Variants in POLA1 observed in about 807,000 individuals in gnomAD.
POLA1 encodes the protein DNA polymerase alpha catalytic subunit.
In POLA1, 15 loss-of-function variants were observed where a neutral mutation model predicts 124.0. The observed-to-expected ratio is 0.12, with a 90% CI of 0.08 to 0.19. POLA1 has a LOEUF of 0.19. POLA1 is among the 10% of genes least tolerant of loss of function. The probability of loss-of-function intolerance (pLI) is 1.00; values close to 1 mark genes in which losing one functional copy is unlikely to be tolerated. For missense variants in POLA1, 886 were observed against 1,103.4 expected (o/e 0.80, Z 2.79); for synonymous variants, 408 against 389.4 (o/e 1.05, Z -0.56).
rs1256663807 is a variant in POLA1 at position 24,981,650 on chromosome X, A to G, written c.4262-14155A>G. Among the ~76,000 whole-genome samples, 8 of 112,522 alleles carry G rather than the reference A, an allele frequency of 7.1e-5. No homozygotes were observed. In the East Asian group the frequency reaches 1.9e-3, roughly 27 times the overall value. ...GAATAGAATTAGTTTTATTGACAGTAAAAAGACATTTTGAAAGCTTCCTAA... is the reference window on the plus strand; with the variant it reads ...GAATAGAATTAGTTTTATTGACAGTGAAAAGACATTTTGAAAGCTTCCTAA... On this transcript the variant is annotated intron_variant, in intron 36 of 36. Coordinates refer to ENST00000379068, the MANE Select transcript of POLA1 (RefSeq NM_001330360.2).
intron 36 of POLA1, among the ~76,000 whole-genome samples, chrX:24,956,944 A>T (rs757993099): frequency 9.0e-6 from 1 of 111,663 alleles, no homozygotes; most frequent in Non-Finnish European, 1.9e-5. Flanking sequence ...AGTACTGATG[A>T]GTTTGTGGAT....
In POLA1 at chrX:24,823,528, A is replaced by G. The variant is rs935959898; in HGVS notation, c.3561+1945A>G. Among the ~76,000 whole-genome samples the G allele has an allele frequency of 5.4e-5, 6 of 110,141 alleles. No homozygotes were observed. The Admixed American group carries it at 5.8e-4, about 11-fold the overall frequency. ...GCGATTCTCCTGCCTCAGCCTTCTG[A>G]GTAGCTGGGATTACAGGCACGCGCC... On this transcript the variant is annotated intron_variant, in intron 31 of 36. Coordinates refer to ENST00000379068, the MANE Select transcript of POLA1 (RefSeq NM_001330360.2).
At chrX:24,871,072 A>C (rs192198724) in intron 34 of POLA1, among the ~76,000 whole-genome samples, 326 of 111,812 alleles carry the variant, frequency 2.9e-3, no homozygotes, top group Non-Finnish European at 3.8e-3. Flanking sequence ...GTCAGGATTA[A>C]CAACTAATGA....
chrX:24,857,581 A>G (rs1482406704), intron 34 of POLA1, among the ~76,000 whole-genome samples: 1 of 111,379 alleles, frequency 9.0e-6, no homozygotes, highest in East Asian at 2.8e-4. Flanking sequence ...TTAACATTTT[A>G]TAGTTTTCAG....
intron 34 of POLA1, among the ~76,000 whole-genome samples, chrX:24,862,742 C>G (rs2046734613): frequency 8.9e-6 from 1 of 112,132 alleles, no homozygotes; most frequent in Admixed American, 9.5e-5. Context: ...TTGAACTTAA[C>G]AGTTTGGGCA....
intron 26 of POLA1, among the ~76,000 whole-genome samples, chrX:24,763,183 G>T (rs1012175958): frequency 8.9e-6 from 1 of 111,904 alleles, no homozygotes; most frequent in East Asian, 2.8e-4. Flanking sequence ...TTCCAGGCAA[G>T]TGATGGTGGT....
At chrX:24,747,608 G>C (rs778519241) in intron 24 of POLA1, among the ~76,000 whole-genome samples, 1 of 110,984 alleles carries the variant, frequency 9.0e-6, no homozygotes, top group South Asian at 3.7e-4. Flanking sequence ...TAGTTTAGCT[G>C]CTAGTTATTT....
intron 26 of POLA1, among the ~76,000 whole-genome samples, chrX:24,750,725 A>G (rs1486135990): frequency 8.9e-6 from 1 of 112,475 alleles, no homozygotes; most frequent in Non-Finnish European, 1.9e-5. Context: ...GAGATAAAGT[A>G]TAACAAGTGG....
intron 15 of POLA1, among the ~76,000 whole-genome samples, chrX:24,728,323 C>T (rs1290077705): frequency 9.0e-6 from 1 of 111,613 alleles, no homozygotes; most frequent in African/African-American, 3.3e-5. Context: ...GTGTCATTTT[C>T]CCTGTGAACC....
intron 19 of POLA1, 53 bp downstream of exon 19, chrX:24,737,794 C>T: frequency 1.7e-6 from 1 of 581,519 alleles, no homozygotes; most frequent in Non-Finnish European, 2.8e-6. Context: ...TTTGGGATAG[C>T]TACCAAGGAA....
intron 36 of POLA1, among the ~76,000 whole-genome samples, chrX:24,947,623 T>C (rs1481915130): frequency 1.8e-5 from 2 of 111,092 alleles, no homozygotes; most frequent in Non-Finnish European, 3.8e-5. Context: ...TCCAGATGTG[T>C]TATTTGGTTG....
At chrX:24,752,986 AT>A (rs1932398001) in intron 26 of POLA1, among the ~76,000 whole-genome samples, 1 of 110,998 alleles carries the variant, frequency 9.0e-6, no homozygotes, top group Admixed American at 9.6e-5. Flanking sequence ...TTGTTTTTTT[AT>A]TGCGAAATTT....
chrX:24,842,127 C>A (rs1199760171), intron 33 of POLA1: 1 of 193,470 alleles, frequency 5.2e-6, no homozygotes, highest in African/African-American at 3.0e-5. Flanking sequence ...ATTATAATTT[C>A]TTAATTAGTA....
In POLA1 at chrX:24,741,420, T is replaced by C. The variant is rs1931648375; in HGVS notation, c.2262T>C (p.Asp754=). 8.4e-7 allele frequency: 1 copy of C among 1,196,149 alleles called. No homozygotes were observed. The highest frequency in any genetic ancestry group is 1.1e-6 in the Non-Finnish European group (1 of 881,282). Residue 754 remains aspartate (D), a synonymous_variant, in exon 21 of 37, where the codon GAT becomes GAC. Coordinates refer to ENST00000379068, the MANE Select transcript of POLA1 (RefSeq NM_001330360.2). ...ACCTGTTGGAACACACCTGGAAAGA[T>C]GCCAAGTTCATTTTGCAGATCATGT... ...LLYLLEHTWK[D]AKFILQIMCE...
intron 36 of POLA1, among the ~76,000 whole-genome samples, chrX:24,990,845 C>T (rs1482640113): frequency 9.0e-6 from 1 of 111,629 alleles, no homozygotes; most frequent in Non-Finnish European, 1.9e-5. Flanking sequence ...AATTGGGAAA[C>T]GGGGTGTAAA....
At chrX:24,780,064 C>G (rs2045228008) in intron 26 of POLA1, among the ~76,000 whole-genome samples, 1 of 111,838 alleles carries the variant, frequency 8.9e-6, no homozygotes. Context: ...GGTATATGAT[C>G]CTTTTAATGT....
rs145963580 is a variant in POLA1, at chrX:24,957,798, G to A, written c.4261+27249G>A. Reference sequence around the variant, plus strand: ...AAGATTTTAAGCAGAGAAGGGGCATGGCAGGATCTGATCTGTTCTTGAAGG... The same window carrying A: ...AAGATTTTAAGCAGAGAAGGGGCATAGCAGGATCTGATCTGTTCTTGAAGG... On this transcript the variant is annotated intron_variant, in intron 36 of 36. Coordinates refer to ENST00000379068, the MANE Select transcript of POLA1 (RefSeq NM_001330360.2). Among the ~76,000 whole-genome samples, 233 of 110,836 alleles carry A rather than the reference G, an allele frequency of 2.1e-3. No individual in the cohort carries two copies. In the East Asian group the frequency reaches 0.028, roughly 13 times the overall value.
At chrX:24,867,685 G>A (rs2046812412) in intron 34 of POLA1, among the ~76,000 whole-genome samples, 1 of 111,253 alleles carries the variant, frequency 9.0e-6, no homozygotes. Flanking sequence ...TTAATATCAA[G>A]CTAAATCTTT....
At chrX:24,735,575 A>G in intron 18 of POLA1, 87 bp downstream of exon 18, 7 of 553,888 alleles carry the variant, frequency 1.3e-5, no homozygotes, top group South Asian at 2.9e-5. Context: ...TTGAGCAGCA[A>G]ATAATCTTTT....
Sources: allele counts gnomAD v4.1 joint callset (sites outside exome capture counted in the v4.1 genomes callset), GRCh38; gene constraint gnomAD v4.1.1; transcripts MANE v1.5; gene names NCBI Gene and HGNC (gene_info 2026-07-23, HGNC 2026-07-21).